The following CALHM2 variants were observed in gnomAD, a reference collection of about 807,000 sequenced individuals.
CALHM2 encodes the protein calcium homeostasis modulator family member 2.
In CALHM2, 18 loss-of-function variants were observed where a neutral mutation model predicts 20.4. The observed-to-expected ratio is 0.88, with a 90% CI of 0.61 to 1.31. CALHM2 has a LOEUF of 1.31. CALHM2 is among the 50% of genes most tolerant of loss of function. The pLI is 0.00. For synonymous variants in CALHM2, 193 were observed against 192.1 expected (o/e 1.00, Z -0.04); for missense variants, 411 against 435.7 (o/e 0.94, Z 0.50).
At position 103,450,074 on chromosome 10, in the gene CALHM2, C is replaced by T; in HGVS notation, c.-133G>A. On this transcript the variant is annotated 5_prime_UTR_variant, in exon 3 of 4. Coordinates refer to ENST00000260743, the MANE Select transcript of CALHM2 (RefSeq NM_015916.5). ...CAGGGTGTGGTTGTGCTATTTTATC[C>T]CCAGCTGTGGTTGGCCTGGTGTTTC... The T allele has an allele frequency of 2.6e-6, 2 of 778,320 alleles. No homozygotes were observed. The highest frequency in any genetic ancestry group is 4.1e-6 in the Non-Finnish European group (2 of 486,962). The allele number at this position is 778,320 out of a possible 1,614,324, so 48.2% of individuals were successfully genotyped here. A position where few individuals can be genotyped will look rare whatever the true frequency, so the allele number is the denominator to read the frequency against.
intron 3 of CALHM2, among the ~76,000 whole-genome samples, chr10:103,448,565 C>T (rs1168519807): frequency 1.6e-4 from 24 of 151,522 alleles, no homozygotes; most frequent in Admixed American, 1.6e-3. Flanking sequence ...ACTAAAAATA[C>T]AAAAATTAGG....
intron 3 of CALHM2, among the ~76,000 whole-genome samples, chr10:103,447,999 G>A (rs2032752961): frequency 6.6e-6 from 1 of 152,184 alleles, no homozygotes; most frequent in African/African-American, 2.4e-5. Context: ...GACAGGCAAG[G>A]TCATCCTTGT....
chr10:103,447,247 G>A lies in CALHM2; in HGVS notation c.877C>T (p.Leu293Phe), dbSNP rs770797564. ...GVYLYRENQGLPLYSRLHKWA... is the reference protein window; with the variant it reads ...GVYLYRENQGFPLYSRLHKWA... The stretch of plus-strand genomic sequence containing the variant: ...TTGTGCAGGCGGCTGTAGAGTGGGA[G>A]GCCCTGGTTCTCACGGTACAAGTAG... The change falls in exon 4 of 4, where the codon CTC (leucine) becomes TTC (phenylalanine). Residue 293 changes from leucine to phenylalanine, a missense_variant. By Grantham distance (22) the Leu-to-Phe change is conservative (BLOSUM62 0). Transcript: ENST00000260743. 6.2e-7 allele frequency: 1 copy of A among 1,614,224 alleles called. No individual in the cohort carries two copies. Among genetic ancestry groups the A allele is most frequent in the South Asian group, 1.1e-5 (1 of 91,086 alleles).
chr10:103,452,235 G>C lies in CALHM2; in HGVS notation c.-441C>G, dbSNP rs545043752. 6.5e-6 allele frequency: 1 copy of C among 152,834 alleles called. No homozygotes were observed. Among genetic ancestry groups the C allele is most frequent in the East Asian group, 1.9e-4 (1 of 5,192 alleles). The allele number at this position is 152,834 out of a possible 1,614,324, so 9.5% of individuals were successfully genotyped here. A position where few individuals can be genotyped will look rare whatever the true frequency, so the allele number is the denominator to read the frequency against. On this transcript the variant is annotated 5_prime_UTR_variant, in exon 1 of 4. Coordinates refer to ENST00000260743, the MANE Select transcript of CALHM2 (RefSeq NM_015916.5). ...AAGTGGCCTCCAGGAGGGCGGTGCA[G>C]GGCAGCGGCGGCCTCCGCCGTTCCC... is the stretch of plus-strand genomic sequence containing the variant.
chr10:103,447,027 C>G lies in CALHM2; in HGVS notation c.*125G>C. 12 of 1,069,802 alleles carry G rather than the reference C, an allele frequency of 1.1e-5. No individual in the cohort carries two copies. In the South Asian group the frequency reaches 1.9e-4, roughly 16 times the overall value. The allele number at this position is 1,069,802 out of a possible 1,614,324, so 66.3% of individuals were successfully genotyped here. A position where few individuals can be genotyped will look rare whatever the true frequency, so the allele number is the denominator to read the frequency against. Reference sequence around the variant, plus strand: ...TCCACACCCCAGATTGCCTTGTGGTCCTTTCCCCTGGCCAAGAAGATAACA... The same window carrying G: ...TCCACACCCCAGATTGCCTTGTGGTGCTTTCCCCTGGCCAAGAAGATAACA... On this transcript the variant is annotated 3_prime_UTR_variant, in exon 4 of 4. Transcript: ENST00000260743.
chr10:103,449,677 G>A lies in CALHM2; in HGVS notation c.265C>T (p.Arg89Trp), dbSNP rs200303926. The change falls in exon 3 of 4, where the codon CGG (arginine) becomes TGG (tryptophan). Residue 89 changes from arginine (R) to tryptophan (W), a missense_variant. Arg to Trp is a moderately radical substitution (Grantham distance 101). Coordinates refer to ENST00000260743, the MANE Select transcript of CALHM2 (RefSeq NM_015916.5). Reference sequence around the variant, plus strand: ...GCGGCGGAGCAGTTCTTGGTCCTCCGGTGCTGGCACTCGGCCACGAGGTTC... The same window carrying A: ...GCGGCGGAGCAGTTCTTGGTCCTCCAGTGCTGGCACTCGGCCACGAGGTTC... The part of the protein sequence containing the change: ...TWNLVAECQH[R>W]RTKNCSAAPT... The A allele has an allele frequency of 4.2e-5, 67 of 1,613,848 alleles. No individual in the cohort carries two copies. The South Asian group carries it at 5.4e-4, about 13-fold the overall frequency.
chr10:103,448,997 C>T (rs1019159721), intron 3 of CALHM2, among the ~76,000 whole-genome samples: 1 of 152,162 alleles, frequency 6.6e-6, no homozygotes, highest in African/African-American at 2.4e-5. Flanking sequence ...TGGGCCCTTC[C>T]TGGGATAGGA....
chr10:103,447,819 C>G (rs747759377), intron 3 of CALHM2, among the ~76,000 whole-genome samples: 6 of 152,208 alleles, frequency 3.9e-5, no homozygotes, highest in Non-Finnish European at 7.3e-5. Flanking sequence ...CCATCAAAAC[C>G]CAGCTCAACC....
chr10:103,447,507 T>C lies in CALHM2; in HGVS notation c.617A>G (p.Lys206Arg), dbSNP rs1484978210. Residue 206 changes from lysine (K) to arginine (R), a missense_variant, in exon 4 of 4, where the codon AAG becomes AGG. Transcript: ENST00000260743. ...AILVFLTKCL[K>R]HYCSPLSYRQ... ...GTAGCTGAGTGGTGAGCAGTAATGC[T>C]TGAGGCACTTGGTCAGGAACACCAG... The C allele has an allele frequency of 7.4e-6, 12 of 1,611,840 alleles. No homozygotes were observed. The highest frequency in any genetic ancestry group is 1.0e-5 in the Non-Finnish European group (12 of 1,178,452).
intron 1 of CALHM2, chr10:103,451,630 C>T (rs7075110): frequency 1.5e-5 from 2 of 137,716 alleles, no homozygotes; most frequent in African/African-American, 6.6e-5. Context: ...GGAGGAGGAC[C>T]AGGAGGAACA....
At chr10:103,451,615 C>A in intron 1 of CALHM2, 1 of 149,340 alleles carries the variant, frequency 6.7e-6, no homozygotes, top group Non-Finnish European at 1.4e-5. Flanking sequence ...AAAGGAGAAG[C>A]TGGAGGAGGA....
At chr10:103,450,823 A>G (rs2032943007) in intron 2 of CALHM2, 1 of 152,172 alleles carries the variant, frequency 6.6e-6, no homozygotes, top group Admixed American at 6.5e-5. Flanking sequence ...GAGGGAAAGA[A>G]AAGAATAAAA....
In CALHM2 at chr10:103,449,735, G is replaced by A. The variant is rs1174673256; in HGVS notation, c.207C>T (p.Phe69=). Reference sequence around the variant, plus strand: ...GGTTGTTGAGGATGATGCCAATGATGAAGAGCACCAGGGCGGGCACGCCGA... The same window carrying A: ...GGTTGTTGAGGATGATGCCAATGATAAAGAGCACCAGGGCGGGCACGCCGA... ...AAIGVPALVL[F]IIGIILNNHT... is the part of the protein sequence containing the mutation. Residue 69 remains phenylalanine (F), a synonymous_variant, in exon 3 of 4, where the codon TTC becomes TTT. Transcript: ENST00000260743. 1 of 1,613,602 alleles carries A rather than the reference G, an allele frequency of 6.2e-7. No individual in the cohort carries two copies. The highest frequency in any genetic ancestry group is 1.7e-5 in the Admixed American group (1 of 60,032).
In CALHM2 at chr10:103,447,113, CA is replaced by C; in HGVS notation, c.*38del. On this transcript the variant is annotated 3_prime_UTR_variant, in exon 4 of 4. Transcript: ENST00000260743. ...CAAGCAGTGGGGTTCAGTTTGGGAC[CA>C]AGTAGTGCCATTTACAAAGAGCATG... The C allele has an allele frequency of 6.5e-7, 1 of 1,538,444 alleles. No individual in the cohort carries two copies. The highest frequency in any genetic ancestry group is 8.8e-7 in the Non-Finnish European group (1 of 1,138,546).
rs767139318 is a variant in CALHM2, at chr10:103,449,952, G to A, written c.-11C>T. On this transcript the variant is annotated 5_prime_UTR_variant, in exon 3 of 4. The change creates a new upstream start codon in the 5' untranslated region. Coordinates refer to ENST00000260743, the MANE Select transcript of CALHM2 (RefSeq NM_015916.5). The stretch of plus-strand genomic sequence containing the variant: ...GATCAGGGCTGCCATGGCGATAGTC[G>A]TGGCGGGGTGGATTGCAGGAGAGGA... 7.7e-5 allele frequency: 123 copies of A among 1,602,056 alleles called. No homozygotes were observed. The highest frequency in any genetic ancestry group is 9.9e-5 in the Non-Finnish European group (116 of 1,172,664).
chr10:103,450,958 G>T (rs977855456), intron 2 of CALHM2, 125 bp downstream of exon 2: 1 of 152,258 alleles, frequency 6.6e-6, no homozygotes, highest in Non-Finnish European at 1.5e-5. Flanking sequence ...AAAGTGCCTT[G>T]CTGAGGCCCA....
rs745654116 is a variant in CALHM2, at chr10:103,449,870, G to A, written c.72C>T (p.Phe24=). Reference sequence around the variant, plus strand: ...CCGTGCCCAGTGCCACCAGGCCGTTGAAAATCATCACATCCTTGCTCTTGA... The same window carrying A: ...CCGTGCCCAGTGCCACCAGGCCGTTAAAAATCATCACATCCTTGCTCTTGA... ...LFFKSKDVMI[F]NGLVALGTVG... The change falls in exon 3 of 4, where the codon TTC becomes TTT. Residue 24 remains phenylalanine (F), a synonymous_variant. Transcript: ENST00000260743. 5.0e-6 allele frequency: 8 copies of A among 1,613,172 alleles called. No homozygotes were observed.
chr10:103,447,820 C>T (rs2032738375), intron 3 of CALHM2, among the ~76,000 whole-genome samples: 2 of 152,214 alleles, frequency 1.3e-5, no homozygotes, highest in Admixed American at 6.5e-5. Flanking sequence ...CATCAAAACC[C>T]AGCTCAACCT....
At chr10:103,449,281 G>A in intron 3 of CALHM2, 106 bp downstream of exon 3, 1 of 967,794 alleles carries the variant, frequency 1.0e-6, no homozygotes, top group Non-Finnish European at 1.7e-6. Flanking sequence ...CTTTCCCACA[G>A]ACCTCAGCCC....
Sources: allele counts gnomAD v4.1 joint callset (sites outside exome capture counted in the v4.1 genomes callset), GRCh38; gene constraint gnomAD v4.1.1; transcripts MANE v1.5; gene names NCBI Gene and HGNC (gene_info 2026-07-23, HGNC 2026-07-21).